AIMP1: variants seen among roughly 807,000 people sequenced by gnomAD.
AIMP1 encodes the protein aminoacyl tRNA synthetase complex interacting multifunctional protein 1.
A neutral mutation model predicts 33.1 loss-of-function variants in AIMP1; 24 were observed. The ratio of observed to expected loss-of-function variants is 0.73; its 90% CI spans 0.53 to 1.02. The LOEUF (loss-of-function observed/expected upper bound fraction) is 1.02, where lower values mean the gene tolerates loss of function less well. Ranked by LOEUF, AIMP1 falls within the 50% of genes least tolerant of loss-of-function variation. The pLI is 0.00. For synonymous variants in AIMP1, 120 were observed against 121.5 expected (o/e 0.99, Z 0.08); for missense variants, 367 against 364.8 (o/e 1.01, Z -0.05).
At chr4:106,329,215 G>A (rs1378421187) in intron 4 of AIMP1, among the ~76,000 whole-genome samples, 1 of 152,154 alleles carries the variant, frequency 6.6e-6, no homozygotes, top group African/African-American at 2.4e-5. Context: ...CCACTAGGTG[G>A]TATGATTACA....
At chr4:106,316,432 G>A (rs1280560711), upstream of AIMP1, 8 of 1,053,774 alleles carry the variant, frequency 7.6e-6, no homozygotes, top group African/African-American at 1.3e-4. Context: ...ATGGGACTGA[G>A]CACAGGAAGA....
intron 6 of AIMP1, among the ~76,000 whole-genome samples, chr4:106,341,780 C>G (rs1428931306): frequency 5.3e-5 from 8 of 152,022 alleles, no homozygotes; most frequent in African/African-American, 1.9e-4. Context: ...GCACTCTTTC[C>G]TCATTCCACG....
At chr4:106,320,029 T>G (rs1423365284) in intron 1 of AIMP1, among the ~76,000 whole-genome samples, 1 of 152,206 alleles carries the variant, frequency 6.6e-6, no homozygotes, top group East Asian at 1.9e-4. Flanking sequence ...TATTCGAAAT[T>G]GACTTGTGTA....
Position 106,347,613 on chromosome 4 carries a change from C to T in AIMP1, c.860C>T (p.Thr287Ile), listed in dbSNP as rs954448920. The T allele has an allele frequency of 4.3e-6, 7 of 1,613,230 alleles. No homozygotes were observed. Among genetic ancestry groups the T allele is most frequent in the African/African-American group, 2.7e-5 (2 of 74,820 alleles). Reference sequence around the variant, plus strand: ...CACACTAATGATGAGTGTGTGGCTACATACAAAGGAGTTCCCTTTGAGGTG... The same window carrying T: ...CACACTAATGATGAGTGTGTGGCTATATACAAAGGAGTTCCCTTTGAGGTG... ...DLHTNDECVA[T>I]YKGVPFEVKG... is the part of the protein sequence containing the mutation. Residue 287 changes from threonine to isoleucine, a missense_variant, in exon 7 of 7, where the codon ACA (threonine) becomes ATA (isoleucine). Thr to Ile is a moderately conservative substitution (Grantham distance 89). Coordinates refer to ENST00000672341, the MANE Select transcript of AIMP1 (RefSeq NM_001142416.2).
chr4:106,331,868 T>A lies in AIMP1; in HGVS notation c.588T>A (p.His196Gln). ...CAGTTGTCAGTGGCCTGGTGAATCA[T>A]GTTCCTCTTGAACAGGTAATCTGTA... The part of the protein sequence containing the change: ...PRTVVSGLVN[H>Q]VPLEQMQNRM... Residue 196 changes from histidine (H) to glutamine (Q), a missense_variant, in exon 5 of 7, where the codon CAT becomes CAA. Transcript: ENST00000672341. 1.2e-6 allele frequency: 2 copies of A among 1,614,078 alleles called. No homozygotes were observed. The highest frequency in any genetic ancestry group is 1.3e-5 in the African/African-American group (1 of 75,054).
At chr4:106,324,574 A>G (rs1176725901) in intron 1 of AIMP1, among the ~76,000 whole-genome samples, 1 of 152,060 alleles carries the variant, frequency 6.6e-6, no homozygotes, top group Non-Finnish European at 1.5e-5. Context: ...AAGTGAATAC[A>G]CAGTAGAAGG....
intron 4 of AIMP1, among the ~76,000 whole-genome samples, chr4:106,330,689 T>C (rs1444296090): frequency 1.3e-5 from 2 of 152,212 alleles, no homozygotes; most frequent in Non-Finnish European, 2.9e-5. Flanking sequence ...CTTGACAACA[T>C]GGACTGCCCA....
At chr4:106,316,398 C>T (rs1300921326), upstream of AIMP1, 2 of 720,244 alleles carry the variant, frequency 2.8e-6, no homozygotes, top group South Asian at 3.4e-5. Flanking sequence ...GAATGGAAGA[C>T]GAGGAGCGTG....
At chr4:106,336,391 A>G (rs1249521090) in intron 5 of AIMP1, among the ~76,000 whole-genome samples, 1 of 152,176 alleles carries the variant, frequency 6.6e-6, no homozygotes, top group Non-Finnish European at 1.5e-5. Flanking sequence ...GGAAATGATC[A>G]AATGTGTAGG....
At chr4:106,322,856 C>G (rs1769314162) in intron 1 of AIMP1, among the ~76,000 whole-genome samples, 1 of 151,894 alleles carries the variant, frequency 6.6e-6, no homozygotes, top group Admixed American at 6.6e-5. Context: ...AGGTGGCAGG[C>G]ACCTGTAATC....
At chr4:106,326,582 A>C (rs1172580131) in intron 2 of AIMP1, among the ~76,000 whole-genome samples, 2 of 152,216 alleles carry the variant, frequency 1.3e-5, no homozygotes, top group East Asian at 3.8e-4. Flanking sequence ...TATTTCACTC[A>C]TTGAATGTTT....
At chr4:106,319,687 C>T (rs910357120) in intron 1 of AIMP1, among the ~76,000 whole-genome samples, 2 of 152,156 alleles carry the variant, frequency 1.3e-5, no homozygotes, top group South Asian at 4.1e-4. Flanking sequence ...TTTTCAATTA[C>T]TGTGCATGTC....
intron 6 of AIMP1, among the ~76,000 whole-genome samples, chr4:106,342,245 T>A (rs74997217): frequency 0.018 from 2,771 of 152,292 alleles, 80 homozygotes; most frequent in African/African-American, 0.061. Context: ...GACAGATAAT[T>A]TGACTTCTTC....
At chr4:106,316,408 G>T, upstream of AIMP1, 1 of 778,492 alleles carries the variant, frequency 1.3e-6, no homozygotes, top group Non-Finnish European at 2.2e-6. Context: ...CGAGGAGCGT[G>T]GTATGGCAGG....
At position 106,347,638 on chromosome 4, in the gene AIMP1, G is replaced by A; in HGVS notation, c.885G>A (p.Val295=). Residue 295 remains valine (V), a synonymous_variant, in exon 7 of 7, where the codon GTG becomes GTA. Transcript: ENST00000672341. The stretch of plus-strand genomic sequence containing the variant: ...CATACAAAGGAGTTCCCTTTGAGGT[G>A]AAAGGGAAGGGAGTATGTAGGGCTC... ...VATYKGVPFE[V]KGKGVCRAQT... is the part of the protein sequence containing the mutation. The A allele has an allele frequency of 6.2e-7, 1 of 1,613,330 alleles. No individual in the cohort carries two copies. The highest frequency in any genetic ancestry group is 8.5e-7 in the Non-Finnish European group (1 of 1,179,602).
At chr4:106,342,278 C>G (rs1427946488) in intron 6 of AIMP1, among the ~76,000 whole-genome samples, 2 of 152,144 alleles carry the variant, frequency 1.3e-5, no homozygotes, top group Non-Finnish European at 2.9e-5. Flanking sequence ...GATGCCTTTT[C>G]TTTCTCTTGC....
intron 6 of AIMP1, among the ~76,000 whole-genome samples, chr4:106,339,154 G>C (rs919155116): frequency 2.0e-5 from 3 of 152,184 alleles, no homozygotes; most frequent in Admixed American, 2.0e-4. Context: ...TCTCAGATGA[G>C]ATGCTGGACT....
At chr4:106,326,661 T>G (rs940512077) in intron 2 of AIMP1, among the ~76,000 whole-genome samples, 1 of 152,068 alleles carries the variant, frequency 6.6e-6, no homozygotes, top group Non-Finnish European at 1.5e-5. Context: ...AAGAAAGACA[T>G]GAGAATAGTT....
rs765210139 is a variant in AIMP1 at position 106,336,941 on chromosome 4, A to G, written c.676A>G (p.Met226Val). 4.3e-6 allele frequency: 7 copies of G among 1,614,046 alleles called. No individual in the cohort carries two copies. The highest frequency in any genetic ancestry group is 2.2e-5 in the East Asian group (1 of 44,852). ...GATGAGGGGAGTATTATCTCAAGCA[A>G]TGGTCATGTGTGCTAGTTCACCAGA... is the stretch of plus-strand genomic sequence containing the variant. ...AKMRGVLSQA[M>V]VMCASSPEKI... The change falls in exon 6 of 7, where the codon ATG becomes GTG. Residue 226 changes from methionine (M) to valine (V), a missense_variant. Met to Val is a conservative substitution (Grantham distance 21). Transcript: ENST00000672341.
Sources: allele counts gnomAD v4.1 joint callset (sites outside exome capture counted in the v4.1 genomes callset), GRCh38; gene constraint gnomAD v4.1.1; transcripts MANE v1.5; gene names NCBI Gene and HGNC (gene_info 2026-07-23, HGNC 2026-07-21).